HELQ: variants seen among roughly 807,000 people sequenced by gnomAD.
HELQ encodes helicase, POLQ like.
A neutral mutation model predicts 111.6 loss-of-function variants in HELQ; 77 were observed. The ratio of observed to expected loss-of-function variants is 0.69; its 90% CI spans 0.57 to 0.83. The LOEUF (loss-of-function observed/expected upper bound fraction) is 0.83. Among genes scored for constraint, HELQ ranks in the 40% least tolerant of loss-of-function variants. The probability of loss-of-function intolerance (pLI) is 0.00; values close to 1 mark genes in which losing one functional copy is unlikely to be tolerated. For missense variants in HELQ, 1,200 were observed against 1,288.5 expected (o/e 0.93, Z 1.05); for synonymous variants, 438 against 454.7 (o/e 0.96, Z 0.47).
chr4:83,417,236 T>A lies in HELQ; in HGVS notation c.3064-371A>T, dbSNP rs567323122. 1.5e-4 allele frequency among the ~76,000 whole-genome samples: 23 copies of A among 151,606 alleles called. 1 individual carries two copies. In the South Asian group the frequency reaches 4.8e-3, roughly 32 times the overall value. ...TTTTTTTTTTGAGAAAGAGTCTTGC[T>A]CTGTTGCCCAGGCTGGAGTGCAATG... On this transcript the variant is annotated intron_variant, in intron 16 of 17. Transcript: ENST00000295488.
At position 83,453,246 on chromosome 4, in the gene HELQ, T is replaced by C. The variant is rs765592299; in HGVS notation, c.997A>G (p.Ile333Val). The change falls in exon 2 of 18, where the codon ATT (isoleucine) becomes GTT (valine). Residue 333 changes from isoleucine to valine, a missense_variant. Physicochemically the swap from Ile to Val is conservative, Grantham distance 29 (BLOSUM62 3). Coordinates refer to ENST00000295488, the MANE Select transcript of HELQ (RefSeq NM_133636.5). ...AAAGCATTACCATATAATTTTTCAA[T>C]TCCCTTGAATTGGGCATAAAGGTCT... ...VRDLYAQFKG[I>V]EKLYEWQHTC... 6.3e-7 allele frequency: 1 copy of C among 1,598,028 alleles called. No homozygotes were observed. The highest frequency in any genetic ancestry group is 8.5e-7 in the Non-Finnish European group (1 of 1,175,280).
chr4:83,410,985 T>TA (rs770944150), intron 17 of HELQ, among the ~76,000 whole-genome samples: 1,902 of 132,372 alleles, frequency 0.014, 40 homozygotes, highest in Admixed American at 0.072. Flanking sequence ...ACCCCATCTC[T>TA]AAAAAAAAAA....
rs1560556015 is a variant in HELQ at position 83,446,004 on chromosome 4, A to C, written c.1465+10T>G. ...AATCAATTCATGACCTCATTTGAAA[A>C]AATACTTACTGCTAGTGTAGAGGAT... On this transcript the variant is annotated intron_variant, in intron 5 of 17. Transcript: ENST00000295488. 6.4e-7 allele frequency: 1 copy of C among 1,567,100 alleles called. No homozygotes were observed.
At chr4:83,450,322 G>A (rs993981796) in intron 2 of HELQ, among the ~76,000 whole-genome samples, 4 of 140,296 alleles carry the variant, frequency 2.9e-5, no homozygotes, top group African/African-American at 1.0e-4. Flanking sequence ...TAAGGCAAGA[G>A]GATCACTTGA....
At chr4:83,451,012 GT>G (rs1195397531) in intron 2 of HELQ, among the ~76,000 whole-genome samples, 6 of 152,306 alleles carry the variant, frequency 3.9e-5, no homozygotes, top group Non-Finnish European at 4.4e-5. Flanking sequence ...TCCAGGTGAT[GT>G]TGATGCTGCA....
chr4:83,411,338 A>AT (rs904904310), intron 17 of HELQ, among the ~76,000 whole-genome samples: 1 of 151,506 alleles, frequency 6.6e-6, no homozygotes, highest in Non-Finnish European at 1.5e-5. Flanking sequence ...TCCCCCAGGC[A>AT]TGGTGGCTCA....
At chr4:83,437,970 A>C (rs1720551415) in intron 8 of HELQ, among the ~76,000 whole-genome samples, 1 of 152,234 alleles carries the variant, frequency 6.6e-6, no homozygotes, top group Admixed American at 6.5e-5. Flanking sequence ...AATTACTCTA[A>C]GAAAATGAAT....
intron 5 of HELQ, among the ~76,000 whole-genome samples, chr4:83,444,495 C>A (rs1459131309): frequency 6.6e-6 from 1 of 151,996 alleles, no homozygotes; most frequent in Non-Finnish European, 1.5e-5. Context: ...GTTCTCCTTG[C>A]CCCAACCTCC....
chr4:83,439,545 G>A (rs113607470), intron 8 of HELQ, among the ~76,000 whole-genome samples: 1 of 151,706 alleles, frequency 6.6e-6, no homozygotes, highest in African/African-American at 2.4e-5. Flanking sequence ...ATTTTTAGTA[G>A]AGATGGGGTT....
chr4:83,450,194 C>G (rs1280449245), intron 2 of HELQ, among the ~76,000 whole-genome samples: 1 of 112,466 alleles, frequency 8.9e-6, no homozygotes, highest in East Asian at 3.1e-4. Context: ...ATAGATGGAT[C>G]TATGTATGTT....
In HELQ at chr4:83,439,884, A is replaced by G. The variant is rs748555674; in HGVS notation, c.1787T>C (p.Met596Thr). Residue 596 changes from methionine to threonine, a missense_variant, in exon 8 of 18, where the codon ATG becomes ACG. Physicochemically the swap from Met to Thr is moderately conservative, Grantham distance 81. Coordinates refer to ENST00000295488, the MANE Select transcript of HELQ (RefSeq NM_133636.5). ...SKKNCENVAE[M>T]ICKFLSKEYL... ...ATACTTGCTTAAAAATTTGCATATC[A>G]TTTCTGCTACATTTTCACAGTTCTT... 5.0e-6 allele frequency: 8 copies of G among 1,591,028 alleles called. 1 individual carries two copies. In the South Asian group the frequency reaches 9.0e-5, roughly 18 times the overall value.
chr4:83,411,243 A>T (rs1739079578), intron 17 of HELQ, among the ~76,000 whole-genome samples: 1 of 151,560 alleles, frequency 6.6e-6, no homozygotes, highest in Non-Finnish European at 1.5e-5. Context: ...AAAAGATATT[A>T]TACTAGATTG....
intron 4 of HELQ, 27 bp from the exon 5 acceptor site, chr4:83,446,113 G>C (rs770452983): frequency 1.4e-5 from 22 of 1,541,684 alleles, no homozygotes; most frequent in Non-Finnish European, 1.7e-5. Context: ...AAAAAGGACA[G>C]AGAAGTAAAT....
At chr4:83,421,824 T>A (rs1217294776) in intron 14 of HELQ, 88 bp from the exon 15 acceptor site, 4 of 919,668 alleles carry the variant, frequency 4.3e-6, no homozygotes, top group Non-Finnish European at 6.9e-6. Context: ...ACTGAAGTTG[T>A]ATTACAGAAT....
chr4:83,446,489 T>C (rs1578100687), intron 4 of HELQ, among the ~76,000 whole-genome samples: 1 of 151,992 alleles, frequency 6.6e-6, no homozygotes, highest in African/African-American at 2.4e-5. Flanking sequence ...GTATTTTTAG[T>C]AGAGACAGGG....
intron 1 of HELQ, among the ~76,000 whole-genome samples, chr4:83,454,579 AAGAAAAAAAAATTTTTTTTTTTTTT>A (rs1311725626): frequency 1.3e-5 from 2 of 150,914 alleles, no homozygotes; most frequent in East Asian, 1.9e-4. Flanking sequence ...CCGGCTAATT[AAGAAAAAAAAATTTTTTTTTTTTTT>A]TGTAGAGACT....
At chr4:83,419,161 AT>A (rs34131623) in intron 15 of HELQ, among the ~76,000 whole-genome samples, 19,869 of 135,710 alleles carry the variant, frequency 0.15, 1,711 homozygotes, top group African/African-American at 0.26. Flanking sequence ...ACACCATGAG[AT>A]TTTTTTTTTT....
chr4:83,448,255 T>C (rs1721159103), intron 3 of HELQ, among the ~76,000 whole-genome samples: 1 of 152,054 alleles, frequency 6.6e-6, no homozygotes, highest in African/African-American at 2.4e-5. Context: ...TTTAAGATGA[T>C]GTTTAATCCA....
chr4:83,452,489 G>A (rs1187745818), intron 2 of HELQ, among the ~76,000 whole-genome samples: 1 of 152,120 alleles, frequency 6.6e-6, no homozygotes, highest in Non-Finnish European at 1.5e-5. Context: ...GCTGGTGTGG[G>A]GGGAAAGATG....
Sources: gnomAD v4.1 joint callset for allele counts (sites outside exome capture counted in the v4.1 genomes callset) on GRCh38, gnomAD v4.1.1 for gene constraint, MANE v1.5 for transcripts, NCBI Gene and HGNC (gene_info 2026-07-23, HGNC 2026-07-21) for gene names.